TMX3: variants seen among roughly 807,000 people sequenced by gnomAD.
The protein encoded by TMX3 is thioredoxin related transmembrane protein 3.
Under a neutral mutation model 64.4 loss-of-function variants are expected in TMX3, and 40 were observed. The ratio of observed to expected loss-of-function variants is 0.62; its 90% CI spans 0.48 to 0.81. The LOEUF is 0.81. Among genes scored for constraint, TMX3 ranks in the 30% least tolerant of loss-of-function variants. The pLI is 0.00. For missense variants in TMX3, 497 were observed against 534.5 expected, an observed-to-expected ratio of 0.93 and a Z score of 0.69; for synonymous variants, 189 against 175.7, an observed-to-expected ratio of 1.08 and a Z score of -0.60.
At chr18:68,697,117 A>G in intron 8 of TMX3, 109 bp downstream of exon 8, 1 of 640,858 alleles carries the variant, frequency 1.6e-6, no homozygotes, top group Non-Finnish European at 2.6e-6. Context: ...TAAATCTGAT[A>G]TTAAAATCAA....
rs190509957 is a variant in TMX3, at chr18:68,677,906, T to C, written c.1105-713A>G. Among the ~76,000 whole-genome samples, 78 of 152,188 alleles carry C rather than the reference T, an allele frequency of 5.1e-4. No homozygotes were observed. The East Asian group carries it at 0.013, about 25-fold the overall frequency. On this transcript the variant is annotated intron_variant, in intron 15 of 15. Coordinates refer to ENST00000299608, the MANE Select transcript of TMX3 (RefSeq NM_019022.5). Reference sequence around the variant, plus strand: ...AAGGATGAGTGAGAAGGAGGCAGGATATGGGACAAGTGAGCACCAGGCAAT... The same window carrying C: ...AAGGATGAGTGAGAAGGAGGCAGGACATGGGACAAGTGAGCACCAGGCAAT...
At chr18:68,712,284 T>C (rs1005540786) in intron 2 of TMX3, among the ~76,000 whole-genome samples, 5 of 152,186 alleles carry the variant, frequency 3.3e-5, no homozygotes, top group African/African-American at 1.2e-4. Flanking sequence ...CTGCTGAGAA[T>C]ATCCTGGCCC....
At chr18:68,677,304 T>A in intron 15 of TMX3, 111 bp from the exon 16 acceptor site, 1 of 1,201,482 alleles carries the variant, frequency 8.3e-7, no homozygotes, top group Non-Finnish European at 1.1e-6. Context: ...TCAGCTTGTT[T>A]TTAGTTCCAA....
At chr18:68,710,411 A>T (rs927827362) in intron 3 of TMX3, among the ~76,000 whole-genome samples, 3 of 152,216 alleles carry the variant, frequency 2.0e-5, no homozygotes, top group East Asian at 3.8e-4. Flanking sequence ...AATTTACAAT[A>T]AAAATGTCTT....
chr18:68,676,902 G>A lies in TMX3; in HGVS notation c.*31C>T, dbSNP rs138495733. 7.6e-6 allele frequency: 12 copies of A among 1,588,592 alleles called. No homozygotes were observed. The East Asian group carries it at 2.7e-4, about 36-fold the overall frequency. On this transcript the variant is annotated 3_prime_UTR_variant, in exon 16 of 16. Coordinates refer to ENST00000299608, the MANE Select transcript of TMX3 (RefSeq NM_019022.5). ...TAAATAGACTCTTTAATAATTTGAAGTCCTAACAAATATTTTATAGTCATC... is the reference window on the plus strand; with the variant it reads ...TAAATAGACTCTTTAATAATTTGAAATCCTAACAAATATTTTATAGTCATC...
chr18:68,698,939 G>A (rs998899195), intron 6 of TMX3, among the ~76,000 whole-genome samples: 5 of 151,322 alleles, frequency 3.3e-5, no homozygotes, highest in African/African-American at 7.3e-5. Context: ...GGAGAATGGC[G>A]TGAACCCGGG....
At chr18:68,709,949 A>G (rs1438102568) in intron 4 of TMX3, 72 bp downstream of exon 4, 5 of 1,426,306 alleles carry the variant, frequency 3.5e-6, no homozygotes, top group African/African-American at 1.5e-5. Flanking sequence ...TCTTCCTCCC[A>G]CCCTGAATAC....
At chr18:68,711,681 C>T (rs1322446384) in intron 2 of TMX3, among the ~76,000 whole-genome samples, 1 of 152,156 alleles carries the variant, frequency 6.6e-6, no homozygotes, top group Non-Finnish European at 1.5e-5. Context: ...AAGCTCCTTG[C>T]CCTTCTAGAA....
At chr18:68,710,272 A>C in intron 3 of TMX3, 128 bp from the exon 4 acceptor site, 1 of 891,294 alleles carries the variant, frequency 1.1e-6, no homozygotes, top group East Asian at 3.2e-5. Context: ...TTAGACAAGA[A>C]GTTTAAATAT....
chr18:68,697,879 G>C (rs1402587163), intron 7 of TMX3, 53 bp downstream of exon 7: 7 of 1,147,164 alleles, frequency 6.1e-6, no homozygotes, highest in African/African-American at 1.5e-5. Flanking sequence ...CTTGATTATA[G>C]AGTAAATTAA....
rs2031586888 is a variant in TMX3 at position 68,713,863 on chromosome 18, T to C, written c.84A>G (p.Val28=). The C allele has an allele frequency of 6.4e-7, 1 of 1,570,362 alleles. No individual in the cohort carries two copies. The highest frequency in any genetic ancestry group is 8.7e-7 in the Non-Finnish European group (1 of 1,148,024). The part of the protein sequence containing the change: ...VLDMVVCKGF[V]EDLDESFKEN... ...ATACTCACGATTCATCTAAATCTTC[T>C]ACAAATCCTTTACAGACGACCATAT... The change falls in exon 2 of 16, where the codon GTA becomes GTG. Residue 28 remains valine (V), a synonymous_variant. Coordinates refer to ENST00000299608, the MANE Select transcript of TMX3 (RefSeq NM_019022.5).
intron 9 of TMX3, among the ~76,000 whole-genome samples, chr18:68,689,213 GA>G (rs1236141223): frequency 6.6e-6 from 1 of 152,170 alleles, no homozygotes; most frequent in Non-Finnish European, 1.5e-5. Context: ...GCAGGTTAGA[GA>G]AATGGGGCCT....
At chr18:68,709,841 C>CTACAT (rs1555691260) in intron 4 of TMX3, among the ~76,000 whole-genome samples, 180 bp downstream of exon 4, 71 of 152,026 alleles carry the variant, frequency 4.7e-4, no homozygotes, top group African/African-American at 1.7e-3. Flanking sequence ...GATTAACACA[C>CTACAT]ACTACACGCT....
At chr18:68,700,735 G>A (rs1242854213) in intron 5 of TMX3, 14 of 983,484 alleles carry the variant, frequency 1.4e-5, no homozygotes, top group Non-Finnish European at 1.7e-5. Context: ...TAACTGCATT[G>A]TATCTACGCC....
At chr18:68,681,440 G>T in intron 13 of TMX3, 1 of 979,506 alleles carries the variant, frequency 1.0e-6, no homozygotes, top group Non-Finnish European at 1.2e-6. Flanking sequence ...GTTGTTCAAC[G>T]GTCAACAGTC....
At chr18:68,711,063 C>T (rs990746997) in intron 3 of TMX3, among the ~76,000 whole-genome samples, 21 of 152,270 alleles carry the variant, frequency 1.4e-4, no homozygotes, top group African/African-American at 4.6e-4. Context: ...GTAATAAAAT[C>T]ATACCCTATA....
At chr18:68,682,828 T>C in intron 13 of TMX3, 97 bp downstream of exon 13, 1 of 973,676 alleles carries the variant, frequency 1.0e-6, no homozygotes. Context: ...GTCAACTGTT[T>C]GCTATTTTTC....
At chr18:68,711,282 C>A in intron 3 of TMX3, 82 bp downstream of exon 3, 2 of 1,017,550 alleles carry the variant, frequency 2.0e-6, no homozygotes, top group South Asian at 2.0e-5. Context: ...CTGTTTACTG[C>A]CATTTTTGGG....
At chr18:68,686,081 T>C (rs180881181) in intron 10 of TMX3, among the ~76,000 whole-genome samples, 17 of 152,004 alleles carry the variant, frequency 1.1e-4, no homozygotes, top group Admixed American at 9.8e-4. Context: ...GCTGGAGGTG[T>C]AGGCAAGAGT....
Sources: gnomAD v4.1 joint callset for allele counts (sites outside exome capture counted in the v4.1 genomes callset) on GRCh38, gnomAD v4.1.1 for gene constraint, MANE v1.5 for transcripts, NCBI Gene and HGNC (gene_info 2026-07-23, HGNC 2026-07-21) for gene names.